The following ACTN2 variants were observed in gnomAD, a reference collection of about 807,000 sequenced individuals.
The protein encoded by ACTN2 is alpha-actinin-2.
Under a neutral mutation model 113.8 loss-of-function variants are expected in ACTN2, and 39 were observed. That is an observed-to-expected ratio of 0.34 (90% CI 0.27 to 0.45). The LOEUF is 0.45. ACTN2 is among the 20% of genes least tolerant of loss of function. The probability of loss-of-function intolerance (pLI) is 1.00; values close to 1 mark genes in which losing one functional copy is unlikely to be tolerated. For missense variants in ACTN2, 992 were observed against 1,177.9 expected (o/e 0.84, Z 2.31); for synonymous variants, 429 against 444.1 (o/e 0.97, Z 0.43).
chr1:236,704,694 A>T (rs537827564), intron 1 of ACTN2, among the ~76,000 whole-genome samples: 2 of 152,180 alleles, frequency 1.3e-5, no homozygotes, highest in African/African-American at 4.8e-5. Flanking sequence ...AAAGGGGTGC[A>T]TAGCTTCTAT....
In ACTN2 at chr1:236,718,896, G is replaced by A. The variant is rs139424431; in HGVS notation, c.244G>A (p.Glu82Lys). 1.2e-6 allele frequency: 2 copies of A among 1,614,084 alleles called. No individual in the cohort carries two copies. Among genetic ancestry groups the A allele is most frequent in the African/African-American group, 2.7e-5 (2 of 74,934 alleles). ...LMLLLEVISGERLPKPDRGKM... is the reference protein window; with the variant it reads ...LMLLLEVISGKRLPKPDRGKM... Reference sequence around the variant, plus strand: ...ATGATTCTCTTTTCATCCAACAGGGGAAAGGCTGCCCAAACCTGACCGGGG... The same window carrying A: ...ATGATTCTCTTTTCATCCAACAGGGAAAAGGCTGCCCAAACCTGACCGGGG... Residue 82 changes from glutamate to lysine, a missense_variant and splice_region_variant, in exon 3 of 21, where the codon GAA becomes AAA. Transcript: ENST00000366578.
Position 236,718,966 on chromosome 1 carries a change from A to G in ACTN2, c.314A>G (p.Asp105Gly). 6.2e-7 allele frequency: 1 copy of G among 1,614,206 alleles called. No homozygotes were observed. Residue 105 changes from aspartate to glycine, a missense_variant, in exon 3 of 21, where the codon GAT becomes GGT. Physicochemically the swap from Asp to Gly is moderately conservative, Grantham distance 94 (BLOSUM62 -1). Around this residue, in one of 3 missense-constraint regions of ACTN2, gnomAD observed 220 missense variants for 337.5 expected, o/e 0.65. Coordinates refer to ENST00000366578, the MANE Select transcript of ACTN2 (RefSeq NM_001103.4). ...ATTGCTAATGTCAACAAAGCTTTGG[A>G]TTACATAGCCAGCAAAGGGGTGAAA... ...HKIANVNKAL[D>G]YIASKGVKLV...
chr1:236,712,178 T>C (rs1390746620), intron 1 of ACTN2, among the ~76,000 whole-genome samples: 7 of 152,208 alleles, frequency 4.6e-5, no homozygotes, highest in African/African-American at 1.7e-4. Context: ...CTACTGTTGT[T>C]TTTATCTTAT....
chr1:236,762,994 A>G lies in ACTN2; in HGVS notation c.*375A>G. On this transcript the variant is annotated 3_prime_UTR_variant, in exon 21 of 21. Transcript: ENST00000366578. ...CAAGATTTAAGACCGGGGGGAAAAA[A>G]CCACAAATTGGTAAATAAAGGTTTG... is the stretch of plus-strand genomic sequence containing the variant. 3.1e-6 allele frequency: 1 copy of G among 320,612 alleles called. No individual in the cohort carries two copies. The highest frequency in any genetic ancestry group is 6.0e-6 in the Non-Finnish European group (1 of 165,796). The allele number at this position is 320,612 out of a possible 1,614,324, so 19.9% of individuals were successfully genotyped here.
intron 1 of ACTN2, among the ~76,000 whole-genome samples, chr1:236,715,505 C>G (rs1658170297): frequency 6.6e-6 from 1 of 151,958 alleles, no homozygotes; most frequent in African/African-American, 2.4e-5. Flanking sequence ...TGTATATTTG[C>G]ACCATCCAAT....
Position 236,731,331 on chromosome 1 carries a change from G to A in ACTN2, c.697+17G>A. On this transcript the variant is annotated intron_variant, in intron 7 of 20. Coordinates refer to ENST00000366578, the MANE Select transcript of ACTN2 (RefSeq NM_001103.4). ...ATGCTGAAGGTGAGATGAAAATTGT[G>A]TTTGCTGAGTTACAGGAAATTTGAA... is the stretch of plus-strand genomic sequence containing the variant. 1 of 1,602,674 alleles carries A rather than the reference G, an allele frequency of 6.2e-7. No homozygotes were observed. Among genetic ancestry groups the A allele is most frequent in the South Asian group, 1.1e-5 (1 of 90,848 alleles).
At chr1:236,720,271 A>T (rs988653995) in intron 4 of ACTN2, 80 bp downstream of exon 4, 1 of 1,110,560 alleles carries the variant, frequency 9.0e-7, no homozygotes, top group African/African-American at 1.5e-5. Flanking sequence ...GATGTTTTAA[A>T]GTCCAACAGT....
intron 1 of ACTN2, among the ~76,000 whole-genome samples, chr1:236,691,767 TAGA>T (rs1449629564): frequency 2.0e-5 from 3 of 152,132 alleles, no homozygotes; most frequent in African/African-American, 7.2e-5. Context: ...GGTAAGAGTA[TAGA>T]AGGAGAAAGT....
At chr1:236,705,018 G>A (rs997326754) in intron 1 of ACTN2, among the ~76,000 whole-genome samples, 7 of 152,264 alleles carry the variant, frequency 4.6e-5, no homozygotes, top group Admixed American at 2.0e-4. Context: ...GATAAGGTAG[G>A]TCAGATCATT....
chr1:236,730,306 CTG>C (rs56075899), intron 6 of ACTN2, among the ~76,000 whole-genome samples: 21 of 148,470 alleles, frequency 1.4e-4, no homozygotes, highest in Non-Finnish European at 2.5e-4. Context: ...GCTGTATACT[CTG>C]TGAGGCCAGA....
intron 7 of ACTN2, among the ~76,000 whole-genome samples, chr1:236,734,920 G>A (rs1237706351): frequency 1.3e-5 from 2 of 152,200 alleles, no homozygotes; most frequent in African/African-American, 4.8e-5. Flanking sequence ...AGGAAGAAAG[G>A]ATGTAGGTTT....
At chr1:236,730,183 A>G (rs1349817041) in intron 6 of ACTN2, among the ~76,000 whole-genome samples, 1 of 152,184 alleles carries the variant, frequency 6.6e-6, no homozygotes, top group African/African-American at 2.4e-5. Context: ...TAATTGGCAC[A>G]TTTTATCATT....
chr1:236,759,589 G>T (rs1381756325), intron 18 of ACTN2, 135 bp from the exon 19 acceptor site: 2 of 740,134 alleles, frequency 2.7e-6, no homozygotes, highest in Admixed American at 1.9e-5. Context: ...CATCCTTCTC[G>T]CAAGTCAGTG....
rs778515255 is a variant in ACTN2 at position 236,762,417 on chromosome 1, G to A, written c.2527-44G>A. 13 of 1,611,792 alleles carry A rather than the reference G, an allele frequency of 8.1e-6. No individual in the cohort carries two copies. The East Asian group carries it at 2.0e-4, about 25-fold the overall frequency. ...AAGTATTAAGACTGTTTATGTTGTG[G>A]TGTTTCTGCAACTGACTGCAAACAC... On this transcript the variant is annotated intron_variant, in intron 20 of 20. Coordinates refer to ENST00000366578, the MANE Select transcript of ACTN2 (RefSeq NM_001103.4).
intron 20 of ACTN2, among the ~76,000 whole-genome samples, chr1:236,761,440 T>TAC (rs1659706342): frequency 6.6e-6 from 1 of 150,704 alleles, no homozygotes. Context: ...TGCGTGTGTG[T>TAC]GTGTGTGTGT....
chr1:236,715,220 A>G (rs112267838), intron 1 of ACTN2, among the ~76,000 whole-genome samples: 10,563 of 149,340 alleles, frequency 0.071, 818 homozygotes, highest in African/African-American at 0.18. Flanking sequence ...GGTTTGTTAC[A>G]TATGTATACA....
chr1:236,690,206 G>A (rs1415380878), intron 1 of ACTN2, among the ~76,000 whole-genome samples: 3 of 152,190 alleles, frequency 2.0e-5, no homozygotes, highest in African/African-American at 2.4e-5. Context: ...GGCAGGATGC[G>A]TGTACAGAGG....
At chr1:236,699,888 G>C (rs981808575) in intron 1 of ACTN2, among the ~76,000 whole-genome samples, 2 of 152,134 alleles carry the variant, frequency 1.3e-5, no homozygotes, top group African/African-American at 4.8e-5. Context: ...AAGTTTGAAT[G>C]GTTAATAAAA....
At chr1:236,737,786 G>C (rs547680109) in intron 9 of ACTN2, among the ~76,000 whole-genome samples, 1 of 152,286 alleles carries the variant, frequency 6.6e-6, no homozygotes, top group South Asian at 2.1e-4. Flanking sequence ...TCTTCAGCTA[G>C]ACTCTTGGTT....
Sources: allele counts gnomAD v4.1 joint callset (sites outside exome capture counted in the v4.1 genomes callset), GRCh38; gene constraint gnomAD v4.1.1; regional missense constraint gnomAD v4.1.1; transcripts MANE v1.5; gene names NCBI Gene and HGNC (gene_info 2026-07-23, HGNC 2026-07-21).